ZBTB38: variants seen among roughly 807,000 people sequenced by gnomAD.
ZBTB38 encodes the protein zinc finger and BTB domain-containing protein 38.
Under a neutral mutation model 76.8 loss-of-function variants are expected in ZBTB38, and 20 were observed. The ratio of observed to expected loss-of-function variants is 0.26; its 90% CI spans 0.18 to 0.38. The LOEUF (loss-of-function observed/expected upper bound fraction) is 0.38. Among genes scored for constraint, ZBTB38 ranks in the 10% least tolerant of loss-of-function variants. The probability of loss-of-function intolerance (pLI) is 1.00; values close to 1 mark genes in which losing one functional copy is unlikely to be tolerated. For synonymous variants in ZBTB38, 504 were observed against 544.2 expected, an observed-to-expected ratio of 0.93 and a Z score of 1.03; for missense variants, 1,082 against 1,482.3, an observed-to-expected ratio of 0.73 and a Z score of 4.43.
chr3:141,334,447 TC>T (rs1347348954), intron 1 of ZBTB38, among the ~76,000 whole-genome samples: 4 of 74,480 alleles, frequency 5.4e-5, no homozygotes, highest in East Asian at 2.1e-4. Context: ...CTTCCTTCTT[TC>T]CTTTCTTCCT....
At chr3:141,377,776 G>A (rs976059648) in intron 2 of ZBTB38, among the ~76,000 whole-genome samples, 6 of 152,184 alleles carry the variant, frequency 3.9e-5, no homozygotes, top group Non-Finnish European at 5.9e-5. Flanking sequence ...GCAATAAAAA[G>A]GCATGTGCTC....
At chr3:141,412,919 G>C (rs1007228069) in intron 5 of ZBTB38, among the ~76,000 whole-genome samples, 1 of 152,036 alleles carries the variant, frequency 6.6e-6, no homozygotes. Context: ...AGACCTACTG[G>C]TGGGCTTGCC....
At chr3:141,384,958 A>T (rs1320575100) in intron 3 of ZBTB38, 4 of 152,226 alleles carry the variant, frequency 2.6e-5, no homozygotes. Context: ...TCCATACACT[A>T]AGCTAAAAAT....
chr3:141,381,100 C>T (rs141745990), intron 2 of ZBTB38, among the ~76,000 whole-genome samples: 3 of 152,310 alleles, frequency 2.0e-5, no homozygotes, highest in East Asian at 1.9e-4. Context: ...CACTTGCTCT[C>T]CATCTGGTGC....
intron 1 of ZBTB38, among the ~76,000 whole-genome samples, chr3:141,352,828 G>A (rs901740883): frequency 1.1e-4 from 17 of 152,066 alleles, no homozygotes; most frequent in South Asian, 4.2e-4. Flanking sequence ...TGATCACAGC[G>A]AACTCACAGG....
rs2080854557 is a variant in ZBTB38, at chr3:141,444,690, G to A, written c.2302G>A (p.Ala768Thr). The A allele has an allele frequency of 4.3e-6, 7 of 1,613,930 alleles. No homozygotes were observed. The highest frequency in any genetic ancestry group is 5.9e-6 in the Non-Finnish European group (7 of 1,179,994). Residue 768 changes from alanine (A) to threonine (T), a missense_variant, in exon 6 of 6, where the codon GCA becomes ACA. By Grantham distance (58) the Ala-to-Thr change is moderately conservative. Transcript: ENST00000321464. The surrounding 1 kb of genome is among the most constrained non-coding windows in gnomAD (Gnocchi z 5.1). ...CGAGCCAGATAAAGTGGGTAGGTTT[G>A]CAAGCAGACCCAAAAGCATTAAGGA... ...KPEPDKVGRFASRPKSIKEKK... is the reference protein window; with the variant it reads ...KPEPDKVGRFTSRPKSIKEKK...
intron 5 of ZBTB38, chr3:141,426,083 T>G: frequency 8.2e-6 from 10 of 1,215,938 alleles, no homozygotes; most frequent in South Asian, 1.3e-5. Flanking sequence ...CATTGTTGCA[T>G]TTGTTTGGAG....
In ZBTB38 at chr3:141,445,363, C is replaced by T; in HGVS notation, c.2975C>T (p.Ala992Val). ...TGTGAACTCTGTGATGGAGACAAAG[C>T]AGTGGGGGCTGGAAACCAAGGAAGG... ...LQCELCDGDK[A>V]VGAGNQGRPH... Residue 992 changes from alanine (A) to valine (V), a missense_variant, in exon 6 of 6, where the codon GCA becomes GTA. Coordinates refer to ENST00000321464, the MANE Select transcript of ZBTB38 (RefSeq NM_001376113.1). This position sits in a 1 kb window ranked among gnomAD's most constrained non-coding sequence, Gnocchi z 6.5. The T allele has an allele frequency of 6.2e-7, 1 of 1,614,084 alleles. No homozygotes were observed. The highest frequency in any genetic ancestry group is 8.5e-7 in the Non-Finnish European group (1 of 1,180,014).
chr3:141,327,614 A>C (rs555955829), intron 1 of ZBTB38, among the ~76,000 whole-genome samples: 128 of 152,328 alleles, frequency 8.4e-4, no homozygotes, highest in African/African-American at 3.0e-3. Context: ...GGTCACCTGG[A>C]TGCTTCCTTA....
intron 5 of ZBTB38, among the ~76,000 whole-genome samples, chr3:141,431,341 A>AAAAAAAAAAAATATATATAT: frequency 5.5e-4 from 57 of 103,222 alleles, no homozygotes; most frequent in East Asian, 1.2e-3. Context: ...AAAAAAAAAA[A>AAAAAAAAAAAATATATATAT]ATATATATAT....
intron 5 of ZBTB38, among the ~76,000 whole-genome samples, chr3:141,411,157 G>A (rs13066993): frequency 0.25 from 38,395 of 152,096 alleles, 5,714 homozygotes; most frequent in Non-Finnish European, 0.34. Flanking sequence ...TCCAAACAAA[G>A]ATGAATTCAT....
In ZBTB38 at chr3:141,414,891, A is replaced by G. The variant is rs546621029; in HGVS notation, c.-1+10860A>G. 3.9e-5 allele frequency among the ~76,000 whole-genome samples: 6 copies of G among 152,016 alleles called. No individual in the cohort carries two copies. The South Asian group carries it at 1.0e-3, about 26-fold the overall frequency. ...TCCTCTCTGCCTCTGTTGACACTTT[A>G]TTGACCTTCCACACACCCTGGAATT... On this transcript the variant is annotated intron_variant, in intron 5 of 5. Transcript: ENST00000321464.
rs2081220608 is a variant in ZBTB38, at chr3:141,447,974, C to G, written c.*1998C>G. The G allele has an allele frequency of 6.6e-6, 1 of 152,610 alleles. No individual in the cohort carries two copies. Among genetic ancestry groups the G allele is most frequent in the Non-Finnish European group, 1.5e-5 (1 of 68,034 alleles). 9.5% of individuals were successfully genotyped at this position (152,610 alleles called of 1,614,324 possible). ...ACATTGTATATATGTACACCCTACA[C>G]TATTCATTTGGGTTTTATTAAAGAG... On this transcript the variant is annotated 3_prime_UTR_variant, in exon 6 of 6. Transcript: ENST00000321464.
At position 141,448,837 on chromosome 3, in the gene ZBTB38, T is replaced by G. The variant is rs1003808339; in HGVS notation, c.*2861T>G. 6.6e-6 allele frequency: 1 copy of G among 152,204 alleles called. No homozygotes were observed. Among genetic ancestry groups the G allele is most frequent in the African/African-American group, 2.4e-5 (1 of 41,450 alleles). 9.4% of individuals were successfully genotyped at this position (152,204 alleles called of 1,614,324 possible). A position where few individuals can be genotyped will look rare whatever the true frequency, so the allele number is the denominator to read the frequency against. ...CTTGTTTACATTCCGTGGTACCTAC[T>G]TACATGCTTAGGAGTCAAATGGATT... On this transcript the variant is annotated 3_prime_UTR_variant, in exon 6 of 6. Transcript: ENST00000321464.
intron 5 of ZBTB38, among the ~76,000 whole-genome samples, chr3:141,441,857 A>G (rs566477157): frequency 1.4e-3 from 213 of 152,110 alleles, no homozygotes; most frequent in Non-Finnish European, 2.4e-3. Context: ...TGGAGGTTGC[A>G]GTGAGCGGAG....
At chr3:141,432,305 A>C (rs1193504406) in intron 5 of ZBTB38, 1 of 981,306 alleles carries the variant, frequency 1.0e-6, no homozygotes, top group Non-Finnish European at 1.2e-6. Flanking sequence ...GTTTCTTTTT[A>C]TAGAAGACAA....
At chr3:141,332,931 A>C (rs1210331013) in intron 1 of ZBTB38, among the ~76,000 whole-genome samples, 1 of 152,232 alleles carries the variant, frequency 6.6e-6, no homozygotes, top group East Asian at 1.9e-4. Flanking sequence ...GGAAGGATAC[A>C]GAACAAGTGT....
intron 1 of ZBTB38, among the ~76,000 whole-genome samples, chr3:141,345,457 G>A (rs1943323570): frequency 6.6e-6 from 1 of 152,058 alleles, no homozygotes; most frequent in Non-Finnish European, 1.5e-5. Context: ...GAAGAAATGA[G>A]GGCTTCTGCT....
At chr3:141,440,016 G>T (rs1373863477) in intron 5 of ZBTB38, among the ~76,000 whole-genome samples, 2 of 152,168 alleles carry the variant, frequency 1.3e-5, no homozygotes, top group Non-Finnish European at 2.9e-5. Flanking sequence ...CCCTTCAGGG[G>T]CAAAGAGGAA....
Sources: allele counts gnomAD v4.1 joint callset (sites outside exome capture counted in the v4.1 genomes callset), GRCh38; gene constraint gnomAD v4.1.1; non-coding constraint Gnocchi (gnomAD v3.1); transcripts MANE v1.5; gene names NCBI Gene and HGNC (gene_info 2026-07-23, HGNC 2026-07-21).